NF2: variants seen among roughly 807,000 people sequenced by gnomAD.
NF2 encodes NF2, moesin-ezrin-radixin like (MERLIN) tumor suppressor.
A neutral mutation model predicts 83.7 loss-of-function variants in NF2; 8 were observed. That is an observed-to-expected ratio of 0.10 (90% confidence interval 0.06 to 0.17). NF2 has a LOEUF of 0.17. Ranked by LOEUF, NF2 falls within the 10% of genes least tolerant of loss-of-function variation. NF2 has a pLI of 1.00. For synonymous variants in NF2, 266 were observed against 269.6 expected (o/e 0.99, Z 0.13); for missense variants, 533 against 744.4 (o/e 0.72, Z 3.31).
At chr22:29,627,584 A>G (rs2065398918) in intron 1 of NF2, among the ~76,000 whole-genome samples, 1 of 152,166 alleles carries the variant, frequency 6.6e-6, no homozygotes, top group Admixed American at 6.5e-5. Flanking sequence ...CACCCAAGTC[A>G]TAGACTTGTG....
rs376212891 is a variant in NF2 at position 29,673,491 on chromosome 22, G to A, written c.1340+5G>A. 1 of 1,603,202 alleles carries A rather than the reference G, an allele frequency of 6.2e-7. No individual in the cohort carries two copies. Among genetic ancestry groups the A allele is most frequent in the Non-Finnish European group, 8.5e-7 (1 of 1,176,350 alleles). On this transcript the variant is annotated splice_donor_5th_base_variant and intron_variant, in intron 12 of 15. Coordinates refer to ENST00000338641, the MANE Select transcript of NF2 (RefSeq NM_000268.4). ...GGCTGAGGAGTCAGAGAGGAGGTGA[G>A]GGGGCACCGGGCACCAGACTGGCGA...
chr22:29,641,852 G>C (rs542982795), intron 3 of NF2, among the ~76,000 whole-genome samples: 1 of 152,234 alleles, frequency 6.6e-6, no homozygotes, highest in Non-Finnish European at 1.5e-5. Context: ...ATATTCAAAG[G>C]GGCTGAGGCT....
At chr22:29,678,828 C>G (rs150615715) in intron 14 of NF2, among the ~76,000 whole-genome samples, 13 of 152,200 alleles carry the variant, frequency 8.5e-5, no homozygotes, top group African/African-American at 3.1e-4. Flanking sequence ...GGGCAGGGCC[C>G]CAGCATGGCC....
intron 1 of NF2, among the ~76,000 whole-genome samples, chr22:29,618,472 G>A (rs952008869): frequency 9.9e-5 from 15 of 152,118 alleles, no homozygotes; most frequent in South Asian, 2.1e-4. Context: ...GAGATAGGGG[G>A]AAAAATCTCC....
rs9625842 is a variant in NF2, at chr22:29,624,890, C to T, written c.115-11861C>T. Among the ~76,000 whole-genome samples, 322 of 142,370 alleles carry T rather than the reference C, an allele frequency of 2.3e-3. 2 individuals carry two copies. The highest frequency in any genetic ancestry group is 8.3e-3 in the African/African-American group (315 of 38,062). 93.4% of individuals were successfully genotyped at this position (142,370 alleles called of 152,430 possible). A position where few individuals can be genotyped will look rare whatever the true frequency, so the allele number is the denominator to read the frequency against. On this transcript the variant is annotated intron_variant, in intron 1 of 15. Coordinates refer to ENST00000338641, the MANE Select transcript of NF2 (RefSeq NM_000268.4). ...CTTTCTCTTTCTCTCCTCTTTCTGTCTCTCTCTTCTTTCTCTCTCTCTCTC... is the reference window on the plus strand; with the variant it reads ...CTTTCTCTTTCTCTCCTCTTTCTGTTTCTCTCTTCTTTCTCTCTCTCTCTC...
chr22:29,673,494 G>T lies in NF2; in HGVS notation c.1340+8G>T, dbSNP rs370604189. ...TGAGGAGTCAGAGAGGAGGTGAGGGGGCACCGGGCACCAGACTGGCGAGGA... is the reference window on the plus strand; with the variant it reads ...TGAGGAGTCAGAGAGGAGGTGAGGGTGCACCGGGCACCAGACTGGCGAGGA... On this transcript the variant is annotated splice_region_variant and intron_variant, in intron 12 of 15. Transcript: ENST00000338641. 2.7e-4 allele frequency: 434 copies of T among 1,601,844 alleles called. No homozygotes were observed. The Middle Eastern group carries it at 3.3e-3, about 12-fold the overall frequency.
chr22:29,632,282 T>C (rs1238105170), intron 1 of NF2, among the ~76,000 whole-genome samples: 2 of 152,184 alleles, frequency 1.3e-5, no homozygotes, highest in Non-Finnish European at 2.9e-5. Context: ...CCTCTAGACT[T>C]GTGCATATGC....
chr22:29,657,746 A>G (rs532147957), intron 6 of NF2, among the ~76,000 whole-genome samples: 2 of 152,252 alleles, frequency 1.3e-5, no homozygotes, highest in African/African-American at 2.4e-5. Flanking sequence ...AACAATACTC[A>G]GGAAGCTTGC....
intron 11 of NF2, among the ~76,000 whole-genome samples, chr22:29,672,900 G>A (rs1001566507): frequency 2.0e-5 from 3 of 152,152 alleles, no homozygotes; most frequent in African/African-American, 7.2e-5. Flanking sequence ...GATTATAGGC[G>A]TGAGCCACCG....
chr22:29,681,067 T>TA (rs1257912029), intron 14 of NF2, among the ~76,000 whole-genome samples: 5 of 146,126 alleles, frequency 3.4e-5, no homozygotes, highest in Admixed American at 6.8e-5. Context: ...TTTTTTTTTT[T>TA]AAAAATAGAG....
intron 1 of NF2, among the ~76,000 whole-genome samples, chr22:29,630,142 C>G (rs1433797840): frequency 1.3e-5 from 2 of 152,192 alleles, no homozygotes; most frequent in Non-Finnish European, 2.9e-5. Flanking sequence ...GAGTCTCAAC[C>G]TGGCCAGTTG....
chr22:29,651,584 A>G (rs969764467), intron 4 of NF2, among the ~76,000 whole-genome samples: 2 of 152,186 alleles, frequency 1.3e-5, no homozygotes, highest in African/African-American at 4.8e-5. Flanking sequence ...TTCACCAGCT[A>G]CCACAACTTC....
At chr22:29,644,722 C>T (rs1218961738) in intron 4 of NF2, among the ~76,000 whole-genome samples, 2 of 152,190 alleles carry the variant, frequency 1.3e-5, no homozygotes, top group African/African-American at 2.4e-5. Context: ...AGCTGGAGAC[C>T]GGCCCGGCCA....
At chr22:29,674,764 AGGGGT>A in intron 12 of NF2, 67 bp from the exon 13 acceptor site, 3 of 1,359,612 alleles carry the variant, frequency 2.2e-6, no homozygotes, top group Non-Finnish European at 3.1e-6. Flanking sequence ...CCTCCTCTGC[AGGGGT>A]GGGGTGGTGT....
rs540440926 is a variant in NF2, at chr22:29,653,268, A to C, written c.448-1389A>C. On this transcript the variant is annotated intron_variant, in intron 4 of 15. Coordinates refer to ENST00000338641, the MANE Select transcript of NF2 (RefSeq NM_000268.4). ...AGACCAGCCTGGCCAACATGGTGAA[A>C]CCCTGTCTCTACTAAAAATACAGAA... is the stretch of plus-strand genomic sequence containing the variant. Among the ~76,000 whole-genome samples the C allele has an allele frequency of 2.1e-4, 32 of 152,108 alleles. 1 individual carries two copies. Among genetic ancestry groups the C allele is most frequent in the African/African-American group, 7.2e-4 (30 of 41,500 alleles).
intron 15 of NF2, among the ~76,000 whole-genome samples, chr22:29,682,396 T>C (rs1474782966): frequency 6.6e-6 from 1 of 152,212 alleles, no homozygotes; most frequent in Non-Finnish European, 1.5e-5. Flanking sequence ...AGGCTTCCAG[T>C]TTTATGGACT....
At chr22:29,691,261 A>T (rs1300987586) in intron 15 of NF2, among the ~76,000 whole-genome samples, 1 of 152,168 alleles carries the variant, frequency 6.6e-6, no homozygotes, top group Admixed American at 6.5e-5. Context: ...CAAAGGGAGC[A>T]TGGACATTTT....
chr22:29,674,967 G>T (rs754990067), intron 13 of NF2, 26 bp downstream of exon 13: 11 of 1,539,804 alleles, frequency 7.1e-6, no homozygotes, highest in Non-Finnish European at 5.3e-6. Context: ...ACCAGCTGGG[G>T]CTGCCTTAGT....
At chr22:29,683,228 C>A in intron 15 of NF2, 1 of 1,565,786 alleles carries the variant, frequency 6.4e-7, no homozygotes, top group Non-Finnish European at 8.7e-7. Flanking sequence ...TAAAAGTAGG[C>A]ACCCACCCTG....
Sources: gnomAD v4.1 joint callset for allele counts (sites outside exome capture counted in the v4.1 genomes callset) on GRCh38, gnomAD v4.1.1 for gene constraint, MANE v1.5 for transcripts, NCBI Gene and HGNC (gene_info 2026-07-23, HGNC 2026-07-21) for gene names.